Variants in SNTB2 observed in about 807,000 individuals in gnomAD.
SNTB2 encodes beta-2-syntrophin.
Under a neutral mutation model 46.2 loss-of-function variants are expected in SNTB2, and 34 were observed. The ratio of observed to expected loss-of-function variants is 0.74; its 90% CI spans 0.56 to 0.98. The LOEUF (loss-of-function observed/expected upper bound fraction) is 0.98. SNTB2 is among the 50% of genes least tolerant of loss of function. SNTB2 has a pLI of 0.00. For missense variants in SNTB2, 603 were observed against 731.4 expected, an observed-to-expected ratio of 0.82 and a Z score of 2.02; for synonymous variants, 290 against 312.6, an observed-to-expected ratio of 0.93 and a Z score of 0.76.
At chr16:69,297,107 C>G (rs1417180396) in intron 5 of SNTB2, among the ~76,000 whole-genome samples, 2 of 151,210 alleles carry the variant, frequency 1.3e-5, no homozygotes, top group Non-Finnish European at 2.9e-5. Flanking sequence ...GAGTTCAAGA[C>G]CAGCCTGGGC....
At chr16:69,205,936 T>C (rs577968059) in intron 1 of SNTB2, among the ~76,000 whole-genome samples, 1 of 152,190 alleles carries the variant, frequency 6.6e-6, no homozygotes, top group African/African-American at 2.4e-5. Context: ...GGTCCTATAC[T>C]CAGCTATGTG....
intron 1 of SNTB2, among the ~76,000 whole-genome samples, chr16:69,191,642 T>C (rs867839819): frequency 6.6e-6 from 1 of 151,196 alleles, no homozygotes; most frequent in Admixed American, 6.6e-5. Context: ...GGTGTTTTTT[T>C]ATTTTGTTTT....
intron 1 of SNTB2, among the ~76,000 whole-genome samples, chr16:69,232,064 A>G (rs918175376): frequency 1.4e-4 from 21 of 152,142 alleles, no homozygotes; most frequent in African/African-American, 1.2e-4. Flanking sequence ...CTACATTTCT[A>G]TATATAAAAG....
rs1188760700 is a variant in SNTB2, at chr16:69,292,402, ATATAT to A, written c.1346-7182_1346-7178del. ...TATTATATATATATTATATATATATATATATTATATATATATTATATATATATATA... is the reference window on the plus strand; with the variant it reads ...TATTATATATATATTATATATATATATATATATATATTATATATATATATA... On this transcript the variant is annotated intron_variant, in intron 5 of 6. Coordinates refer to ENST00000336278, the MANE Select transcript of SNTB2 (RefSeq NM_006750.4). Among the ~76,000 whole-genome samples, 20 of 23,000 alleles carry A rather than the reference ATATAT, an allele frequency of 8.7e-4. 4 individuals are homozygous for A. The highest frequency in any genetic ancestry group is 6.1e-3 in the African/African-American group (8 of 1,316). The allele number at this position is 23,000 out of a possible 152,430, so 15.1% of individuals were successfully genotyped here. A position where few individuals can be genotyped will look rare whatever the true frequency, so the allele number is the denominator to read the frequency against.
chr16:69,231,252 CTTTT>C (rs1392193693), intron 1 of SNTB2: 4 of 152,208 alleles, frequency 2.6e-5, no homozygotes, highest in Middle Eastern at 3.4e-3. Flanking sequence ...AGCAGTGCTG[CTTTT>C]TAGGGGAGAG....
chr16:69,289,210 G>T (rs568293088), intron 5 of SNTB2, among the ~76,000 whole-genome samples: 1 of 150,814 alleles, frequency 6.6e-6, no homozygotes, highest in Non-Finnish European at 1.5e-5. Flanking sequence ...CAGAGGTTGC[G>T]GTGAGCCAAG....
chr16:69,260,864 A>G (rs1352618457), intron 3 of SNTB2, among the ~76,000 whole-genome samples: 1 of 152,188 alleles, frequency 6.6e-6, no homozygotes. Context: ...CAGAGGTACA[A>G]TTGTCTTCCA....
intron 1 of SNTB2, among the ~76,000 whole-genome samples, chr16:69,200,341 C>T (rs944387741): frequency 6.6e-6 from 1 of 152,152 alleles, no homozygotes; most frequent in African/African-American, 2.4e-5. Context: ...AGCATCAGCA[C>T]GCTAGTATGA....
At chr16:69,263,048 A>G (rs1043582687) in intron 3 of SNTB2, among the ~76,000 whole-genome samples, 2 of 151,846 alleles carry the variant, frequency 1.3e-5, no homozygotes, top group Non-Finnish European at 2.9e-5. Context: ...CATTTGACCA[A>G]CATCTCACTT....
At chr16:69,224,650 TC>T (rs1350302070) in intron 1 of SNTB2, among the ~76,000 whole-genome samples, 4 of 152,234 alleles carry the variant, frequency 2.6e-5, no homozygotes, top group African/African-American at 9.6e-5. Context: ...ATGATGATTT[TC>T]TATTTATCTC....
In SNTB2 at chr16:69,200,379, C is replaced by T. The variant is rs77653254; in HGVS notation, c.580+12633C>T. Among the ~76,000 whole-genome samples, 1,388 of 152,298 alleles carry T rather than the reference C, an allele frequency of 9.1e-3. 53 individuals are homozygous for T. The highest frequency in any genetic ancestry group is 0.067 in the East Asian group (345 of 5,180). On this transcript the variant is annotated intron_variant, in intron 1 of 6. Transcript: ENST00000336278. The stretch of plus-strand genomic sequence containing the variant: ...TTATTTTTCTGTCAGGCATTCTACT[C>T]CTCCAGACTGTACCATCCTTCCACT...
At chr16:69,282,306 C>CA (rs751287865) in intron 4 of SNTB2, among the ~76,000 whole-genome samples, 5,234 of 112,992 alleles carry the variant, frequency 0.046, 152 homozygotes, top group African/African-American at 0.1. Flanking sequence ...ACTAAAAATA[C>CA]AAAAAAAAAA....
chr16:69,187,847 C>T (rs1964009471), intron 1 of SNTB2, 101 bp downstream of exon 1: 1 of 965,844 alleles, frequency 1.0e-6, no homozygotes, highest in South Asian at 2.1e-5. Context: ...CGGTTCTCTC[C>T]CCGTCTCTCT....
Position 69,260,219 on chromosome 16 carries a change from G to C in SNTB2, c.964G>C (p.Gly322Arg). The stretch of plus-strand genomic sequence containing the variant: ...GCTTGGGGCAACCAGTACAGCAGGA[G>C]GCAGTAAAGAGGTGAAGCATATTGC... ...AMLGATSTAGGSKEVKHIAWL... is the reference protein window; with the variant it reads ...AMLGATSTAGRSKEVKHIAWL... Residue 322 changes from glycine to arginine, a missense_variant, in exon 3 of 7, where the codon GGC (glycine) becomes CGC (arginine). Physicochemically the swap from Gly to Arg is moderately radical, Grantham distance 125 (BLOSUM62 -2). Coordinates refer to ENST00000336278, the MANE Select transcript of SNTB2 (RefSeq NM_006750.4). The C allele has an allele frequency of 6.2e-7, 1 of 1,614,174 alleles. No individual in the cohort carries two copies. The highest frequency in any genetic ancestry group is 8.5e-7 in the Non-Finnish European group (1 of 1,180,034).
chr16:69,290,194 G>A (rs941022014), intron 5 of SNTB2, among the ~76,000 whole-genome samples: 8 of 152,160 alleles, frequency 5.3e-5, no homozygotes, highest in Non-Finnish European at 1.2e-4. Context: ...CTGCTTGCAA[G>A]TATGAACTTC....
chr16:69,197,729 A>C (rs754996420), intron 1 of SNTB2, among the ~76,000 whole-genome samples: 2 of 152,214 alleles, frequency 1.3e-5, no homozygotes, highest in Non-Finnish European at 2.9e-5. Context: ...GTTTTACTGA[A>C]CACTAAATGT....
chr16:69,303,480 A>G lies in SNTB2; in HGVS notation c.*2556A>G, dbSNP rs1965292614. On this transcript the variant is annotated 3_prime_UTR_variant, in exon 7 of 7. Coordinates refer to ENST00000336278, the MANE Select transcript of SNTB2 (RefSeq NM_006750.4). ...GAATTAAAATGTGAGCAGGAAAGGC[A>G]AGGCATGTGTGCATTTTCACTCATT... 6.6e-6 allele frequency: 1 copy of G among 152,620 alleles called. No individual in the cohort carries two copies. Among genetic ancestry groups the G allele is most frequent in the African/African-American group, 2.4e-5 (1 of 41,446 alleles). The allele number at this position is 152,620 out of a possible 1,614,324, so 9.5% of individuals were successfully genotyped here.
intron 1 of SNTB2, among the ~76,000 whole-genome samples, chr16:69,214,622 G>C (rs1464279466): frequency 6.7e-6 from 1 of 150,242 alleles, no homozygotes; most frequent in Non-Finnish European, 1.5e-5. Flanking sequence ...CACCTCCCGG[G>C]TTCAAGTGAT....
chr16:69,213,438 T>C (rs1287079494), intron 1 of SNTB2, among the ~76,000 whole-genome samples: 1 of 152,146 alleles, frequency 6.6e-6, no homozygotes, highest in Non-Finnish European at 1.5e-5. Context: ...TTCTTTATGT[T>C]CTTATATACT....
Sources: gnomAD v4.1 joint callset for allele counts (sites outside exome capture counted in the v4.1 genomes callset) on GRCh38, gnomAD v4.1.1 for gene constraint, MANE v1.5 for transcripts, NCBI Gene and HGNC (gene_info 2026-07-23, HGNC 2026-07-21) for gene names.